Variants in ADAP2 observed in about 807,000 individuals in gnomAD.
ADAP2 encodes the protein ArfGAP with dual PH domains 2.
A neutral mutation model predicts 54.9 loss-of-function variants in ADAP2; 42 were observed. The observed-to-expected ratio is 0.77, with a 90% CI of 0.60 to 0.99. The LOEUF (loss-of-function observed/expected upper bound fraction) is 0.99, where lower values mean the gene tolerates loss of function less well. Ranked by LOEUF, ADAP2 falls within the 50% of genes least tolerant of loss-of-function variation. The pLI is 0.00. For missense variants in ADAP2, 429 were observed against 480.4 expected, an observed-to-expected ratio of 0.89 and a Z score of 1.00; for synonymous variants, 177 against 180.1, an observed-to-expected ratio of 0.98 and a Z score of 0.14.
intron 6 of ADAP2, among the ~76,000 whole-genome samples, chr17:30,946,476 C>T (rs1358655454): frequency 6.6e-6 from 1 of 152,102 alleles, no homozygotes; most frequent in Non-Finnish European, 1.5e-5. Context: ...ACCTTGGCCT[C>T]CCAAAGTGCT....
chr17:30,938,661 A>G (rs1054256278), intron 5 of ADAP2, among the ~76,000 whole-genome samples: 1 of 152,214 alleles, frequency 6.6e-6, no homozygotes, highest in African/African-American at 2.4e-5. Context: ...ATAAGCTCTG[A>G]GCACTTTAGC....
chr17:30,925,258 C>T (rs1287054984), intron 2 of ADAP2, among the ~76,000 whole-genome samples: 4 of 144,822 alleles, frequency 2.8e-5, no homozygotes, highest in African/African-American at 1.1e-4. Context: ...GGCACGATCT[C>T]GGCTCACTGC....
At chr17:30,939,574 A>G (rs1912114048) in intron 5 of ADAP2, among the ~76,000 whole-genome samples, 2 of 152,014 alleles carry the variant, frequency 1.3e-5, no homozygotes, top group Non-Finnish European at 1.5e-5. Flanking sequence ...GATTGAGACC[A>G]TCTTGGCTAA....
intron 3 of ADAP2, among the ~76,000 whole-genome samples, chr17:30,929,640 C>T (rs1911329030): frequency 6.6e-6 from 1 of 152,174 alleles, no homozygotes; most frequent in African/African-American, 2.4e-5. Flanking sequence ...CCAGGTGATT[C>T]TCCTCAGTGA....
intron 5 of ADAP2, 105 bp from the exon 6 acceptor site, chr17:30,944,802 A>T: frequency 1.7e-6 from 2 of 1,173,872 alleles, no homozygotes; most frequent in Non-Finnish European, 2.4e-6. Flanking sequence ...TTTAAAACCC[A>T]TATATTTACA....
chr17:30,938,765 A>G (rs905011809), intron 5 of ADAP2, among the ~76,000 whole-genome samples: 6 of 152,160 alleles, frequency 3.9e-5, no homozygotes, highest in Non-Finnish European at 8.8e-5. Flanking sequence ...AGGTCTGTCT[A>G]TGGGGAGGAG....
chr17:30,955,812 C>T (rs1905028397), intron 9 of ADAP2, among the ~76,000 whole-genome samples: 1 of 151,730 alleles, frequency 6.6e-6, no homozygotes, highest in Admixed American at 6.6e-5. Flanking sequence ...TTGCCTGAGC[C>T]TGGGAGGTTG....
chr17:30,930,261 G>A (rs186804890), intron 3 of ADAP2, among the ~76,000 whole-genome samples: 279 of 151,100 alleles, frequency 1.8e-3, no homozygotes, highest in African/African-American at 6.5e-3. Flanking sequence ...TGGTAGAGCC[G>A]GGGTTTTGCT....
intron 5 of ADAP2, among the ~76,000 whole-genome samples, chr17:30,942,107 T>C (rs1055687095): frequency 1.3e-5 from 2 of 152,144 alleles, no homozygotes; most frequent in African/African-American, 4.8e-5. Flanking sequence ...GATTTCACCA[T>C]GTTGGCCAGG....
At position 30,946,974 on chromosome 17, in the gene ADAP2, C is replaced by T. The variant is rs146720233; in HGVS notation, c.657+1921C>T. Reference sequence around the variant, plus strand: ...GGACTTTTACTGAGGCACCCAAGGTCTCTGGCACTTAGGATACCCAGCTCC... The same window carrying T: ...GGACTTTTACTGAGGCACCCAAGGTTTCTGGCACTTAGGATACCCAGCTCC... On this transcript the variant is annotated intron_variant, in intron 6 of 10. Transcript: ENST00000330889. 3.0e-3 allele frequency among the ~76,000 whole-genome samples: 463 copies of T among 152,302 alleles called. 3 individuals carry two copies. Among genetic ancestry groups the T allele is most frequent in the African/African-American group, 0.01 (429 of 41,572 alleles).
intron 1 of ADAP2, 147 bp downstream of exon 1, chr17:30,922,255 C>T: frequency 2.1e-6 from 1 of 484,670 alleles, no homozygotes; most frequent in Non-Finnish European, 3.2e-6. Context: ...CCACCCACAC[C>T]GTGAACCTCT....
At chr17:30,940,692 A>G (rs1208536447) in intron 5 of ADAP2, among the ~76,000 whole-genome samples, 1 of 152,230 alleles carries the variant, frequency 6.6e-6, no homozygotes, top group Non-Finnish European at 1.5e-5. Context: ...ATCACTTCCC[A>G]TTGAAACTCT....
intron 7 of ADAP2, among the ~76,000 whole-genome samples, chr17:30,953,080 C>G (rs1904797817): frequency 6.6e-6 from 1 of 152,196 alleles, no homozygotes; most frequent in Non-Finnish European, 1.5e-5. Flanking sequence ...GGCCGTGCCA[C>G]TAAGCTCTGC....
chr17:30,945,303 G>A (rs1295787508), intron 6 of ADAP2, among the ~76,000 whole-genome samples: 5 of 152,200 alleles, frequency 3.3e-5, no homozygotes, highest in Non-Finnish European at 5.9e-5. Context: ...ACCAATGAAA[G>A]TCCAGTTACA....
chr17:30,944,878 G>A, intron 5 of ADAP2, 29 bp from the exon 6 acceptor site: 2 of 1,609,502 alleles, frequency 1.2e-6, no homozygotes, highest in Non-Finnish European at 1.7e-6. Flanking sequence ...TGGACTGTCA[G>A]CGTCTTTCTT....
chr17:30,928,190 C>CAAAAA (rs1168453604), intron 3 of ADAP2, among the ~76,000 whole-genome samples: 1 of 33,216 alleles, frequency 3.0e-5, no homozygotes, highest in African/African-American at 1.2e-4. Flanking sequence ...GAGACTGTCT[C>CAAAAA]AAAAAAAAAA....
intron 9 of ADAP2, among the ~76,000 whole-genome samples, chr17:30,955,938 G>T (rs1453194361): frequency 6.6e-6 from 1 of 151,952 alleles, no homozygotes; most frequent in African/African-American, 2.4e-5. Flanking sequence ...GTAGAGAAGG[G>T]GTCTCACTAT....
chr17:30,943,273 A>G (rs1389536337), intron 5 of ADAP2, among the ~76,000 whole-genome samples: 3 of 151,370 alleles, frequency 2.0e-5, no homozygotes, highest in African/African-American at 7.3e-5. Context: ...GCTGAGGCAG[A>G]AGAATCGCTT....
At chr17:30,943,604 T>C (rs1912430231) in intron 5 of ADAP2, among the ~76,000 whole-genome samples, 1 of 151,720 alleles carries the variant, frequency 6.6e-6, no homozygotes, top group Non-Finnish European at 1.5e-5. Flanking sequence ...ATCCCAGAAC[T>C]TTGGGAGGCC....
Sources: gnomAD v4.1 joint callset for allele counts (sites outside exome capture counted in the v4.1 genomes callset) on GRCh38, gnomAD v4.1.1 for gene constraint, MANE v1.5 for transcripts, NCBI Gene and HGNC (gene_info 2026-07-23, HGNC 2026-07-21) for gene names.